RAB27B: variants seen among roughly 807,000 people sequenced by gnomAD.
RAB27B encodes ras-related protein Rab-27B.
Under a neutral mutation model 24.6 loss-of-function variants are expected in RAB27B, and 15 were observed. That is an observed-to-expected ratio of 0.61 (90% CI 0.41 to 0.94). The LOEUF is 0.94. Ranked by LOEUF, RAB27B falls within the 40% of genes least tolerant of loss-of-function variation. The pLI is 0.00. For missense variants in RAB27B, 261 were observed against 266.8 expected (o/e 0.98, Z 0.15); for synonymous variants, 105 against 92.5 (o/e 1.14, Z -0.78).
intron 1 of RAB27B, among the ~76,000 whole-genome samples, chr18:54,871,773 C>A (rs1029791467): frequency 6.8e-6 from 1 of 146,422 alleles, no homozygotes; most frequent in Non-Finnish European, 1.5e-5. Flanking sequence ...TGGCATGAAC[C>A]TGGGAGGCGG....
intron 1 of RAB27B, among the ~76,000 whole-genome samples, chr18:54,876,708 G>A (rs767402318): frequency 2.0e-5 from 3 of 151,828 alleles, no homozygotes; most frequent in East Asian, 3.9e-4. Flanking sequence ...AAATTAAAAA[G>A]GAATAATTTG....
At chr18:54,730,019 G>GT (rs1437905000) in intron 2 of RAB27B, among the ~76,000 whole-genome samples, 1 of 69,592 alleles carries the variant, frequency 1.4e-5, no homozygotes, top group African/African-American at 3.8e-5. Context: ...TGATAATTTG[G>GT]GTTTTTTTAG....
chr18:54,800,690 T>C (rs1909573433), intron 2 of RAB27B, among the ~76,000 whole-genome samples: 1 of 152,214 alleles, frequency 6.6e-6, no homozygotes, highest in Non-Finnish European at 1.5e-5. Flanking sequence ...ACTTTGTTCC[T>C]GCTTACCTTC....
intron 2 of RAB27B, among the ~76,000 whole-genome samples, chr18:54,796,942 G>A (rs1178292812): frequency 6.6e-6 from 1 of 152,200 alleles, no homozygotes; most frequent in Non-Finnish European, 1.5e-5. Flanking sequence ...AAGATGTAAA[G>A]ACATAATTTT....
chr18:54,736,420 G>C (rs1269703794), intron 2 of RAB27B, among the ~76,000 whole-genome samples: 1 of 151,946 alleles, frequency 6.6e-6, no homozygotes, highest in African/African-American at 2.4e-5. Context: ...TTAGCAAAAT[G>C]AAAGTCTTAT....
At chr18:54,845,395 G>C (rs1911291092) in intron 1 of RAB27B, among the ~76,000 whole-genome samples, 1 of 95,100 alleles carries the variant, frequency 1.1e-5, no homozygotes, top group Non-Finnish European at 2.0e-5. Flanking sequence ...CGATAAGTGA[G>C]ACTCCATCTC....
At chr18:54,758,119 A>G (rs898020928) in intron 2 of RAB27B, among the ~76,000 whole-genome samples, 3 of 152,058 alleles carry the variant, frequency 2.0e-5, no homozygotes, top group African/African-American at 7.2e-5. Flanking sequence ...TATTTTCTAG[A>G]CAATGTGTTG....
chr18:54,757,280 C>G (rs1000380432), intron 2 of RAB27B, among the ~76,000 whole-genome samples: 1 of 152,188 alleles, frequency 6.6e-6, no homozygotes, highest in Admixed American at 6.6e-5. Context: ...CAAAGAAAGT[C>G]AGGATCAAAA....
chr18:54,835,007 A>G (rs944417933), intron 1 of RAB27B, among the ~76,000 whole-genome samples: 20 of 151,932 alleles, frequency 1.3e-4, no homozygotes, highest in African/African-American at 4.1e-4. Context: ...TATTTGCCCA[A>G]TCTAACTTAG....
At chr18:54,826,365 T>C (rs1304467542), upstream of RAB27B, among the ~76,000 whole-genome samples, 1 of 152,190 alleles carries the variant, frequency 6.6e-6, no homozygotes, top group Non-Finnish European at 1.5e-5. Context: ...CTACCTCTGG[T>C]CAAAGTGGCC....
At chr18:54,850,032 C>A (rs1042225605) in intron 1 of RAB27B, among the ~76,000 whole-genome samples, 4 of 151,716 alleles carry the variant, frequency 2.6e-5, no homozygotes, top group African/African-American at 9.7e-5. Context: ...ACACATAAAC[C>A]ACTTAATACA....
chr18:54,864,458 C>CT (rs1421215616), intron 1 of RAB27B, among the ~76,000 whole-genome samples: 1 of 151,622 alleles, frequency 6.6e-6, no homozygotes, highest in South Asian at 2.1e-4. Context: ...TTGTATTTTC[C>CT]TTTTTTTCAT....
At chr18:54,760,067 G>GCA (rs35858165) in intron 2 of RAB27B, among the ~76,000 whole-genome samples, 4,284 of 152,254 alleles carry the variant, frequency 0.028, 75 homozygotes, top group Middle Eastern at 0.092. Flanking sequence ...AGCTAAAAGA[G>GCA]CACACTGTAA....
At chr18:54,818,832 T>C (rs1001232847) in intron 2 of RAB27B, among the ~76,000 whole-genome samples, 3 of 152,218 alleles carry the variant, frequency 2.0e-5, no homozygotes, top group Admixed American at 1.3e-4. Flanking sequence ...CTAATCGTGT[T>C]TTTTAAAATA....
intron 4 of RAB27B, among the ~76,000 whole-genome samples, chr18:54,886,744 A>T (rs1913152663): frequency 6.6e-6 from 1 of 152,086 alleles, no homozygotes; most frequent in African/African-American, 2.4e-5. Flanking sequence ...AAACGTCTCC[A>T]GAAGGATATT....
At chr18:54,747,825 C>T (rs947406108) in intron 2 of RAB27B, among the ~76,000 whole-genome samples, 2 of 152,080 alleles carry the variant, frequency 1.3e-5, no homozygotes, top group East Asian at 1.9e-4. Context: ...AAATGTTTCT[C>T]GGCTGGGCTT....
chr18:54,802,490 T>C (rs1302422118), intron 2 of RAB27B, among the ~76,000 whole-genome samples: 1 of 152,174 alleles, frequency 6.6e-6, no homozygotes, highest in South Asian at 2.1e-4. Context: ...GATTGCTCCT[T>C]TCTGTTTTGA....
At chr18:54,848,188 A>G (rs1277061600) in intron 1 of RAB27B, among the ~76,000 whole-genome samples, 1 of 152,214 alleles carries the variant, frequency 6.6e-6, no homozygotes, top group Non-Finnish European at 1.5e-5. Context: ...TGTACAGAGA[A>G]ACCTTTAGGC....
intron 2 of RAB27B, among the ~76,000 whole-genome samples, chr18:54,799,071 ATTTTT>A (rs530220080): frequency 1.6e-4 from 24 of 152,252 alleles, no homozygotes; most frequent in African/African-American, 5.5e-4. Flanking sequence ...CCTGGAAACA[ATTTTT>A]TATTTTAGGC....
Sources: gnomAD v4.1 joint callset for allele counts (sites outside exome capture counted in the v4.1 genomes callset) on GRCh38, gnomAD v4.1.1 for gene constraint, MANE v1.5 for transcripts, NCBI Gene and HGNC (gene_info 2026-07-23, HGNC 2026-07-21) for gene names.